TTC3: variants seen among roughly 807,000 people sequenced by gnomAD.
The protein encoded by TTC3 is E3 ubiquitin-protein ligase TTC3.
Under a neutral mutation model 249.6 loss-of-function variants are expected in TTC3, and 180 were observed. The observed-to-expected ratio is 0.72, with a 90% CI of 0.64 to 0.82. The LOEUF (loss-of-function observed/expected upper bound fraction) is 0.82. Among genes scored for constraint, TTC3 ranks in the 40% least tolerant of loss-of-function variants. The pLI is 0.00. For synonymous variants in TTC3, 717 were observed against 805.0 expected (o/e 0.89, Z 1.85); for missense variants, 2,061 against 2,398.4 (o/e 0.86, Z 2.94).
intron 44 of TTC3, among the ~76,000 whole-genome samples, chr21:37,199,092 C>T (rs113862192): frequency 5.3e-5 from 8 of 152,314 alleles, no homozygotes; most frequent in African/African-American, 1.7e-4. Context: ...CCTCCTTCTG[C>T]AGCATCTGCC....
exon 43 of TTC3, chr21:37,197,608 A>G (rs2085059040): frequency 6.2e-7 from 1 of 1,612,082 alleles, no homozygotes; most frequent in Non-Finnish European, 8.5e-7. Context: ...GTGCGAAGCA[A>G]AAACAAGAAC....
chr21:37,114,011 TC>T (rs1221835673), intron 11 of TTC3, among the ~76,000 whole-genome samples: 1 of 152,208 alleles, frequency 6.6e-6, no homozygotes, highest in Non-Finnish European at 1.5e-5. Context: ...CTGGATCCCT[TC>T]CTTGCACCTT....
chr21:37,088,315 A>G (rs1309575531), exon 4 of TTC3: 8 of 1,613,226 alleles, frequency 5.0e-6, no homozygotes, highest in Non-Finnish European at 5.9e-6. Context: ...CAGTTCCGTA[A>G]TATCACGATT....
chr21:37,085,947 G>A (rs1313424654), intron 1 of TTC3: 1 of 152,196 alleles, frequency 6.6e-6, no homozygotes, highest in African/African-American at 2.4e-5. Context: ...GGTGACATGA[G>A]CAAATTACTT....
At chr21:37,083,837 G>T (rs1017790355) in intron 1 of TTC3, 1 of 152,176 alleles carries the variant, frequency 6.6e-6, no homozygotes, top group African/African-American at 2.4e-5. Context: ...GGATTTGGGA[G>T]TCTTCAGCAT....
At chr21:37,141,249 TA>T (rs974736424) in intron 20 of TTC3, among the ~76,000 whole-genome samples, 3 of 152,166 alleles carry the variant, frequency 2.0e-5, no homozygotes, top group Non-Finnish European at 4.4e-5. Flanking sequence ...TCTTGAGCTT[TA>T]AAAAAAGAAA....
At chr21:37,076,029 A>G (rs530752289) in intron 1 of TTC3, among the ~76,000 whole-genome samples, 1 of 152,370 alleles carries the variant, frequency 6.6e-6, no homozygotes, top group East Asian at 1.9e-4. Flanking sequence ...CAATCCAATA[A>G]TCAAAATGAC....
intron 24 of TTC3, 126 bp from the exon 25 acceptor site, chr21:37,150,694 A>G: frequency 1.4e-6 from 1 of 692,138 alleles, no homozygotes; most frequent in Admixed American, 2.8e-5. Flanking sequence ...CTGGGTCAGA[A>G]CATCATCACT....
intron 41 of TTC3, among the ~76,000 whole-genome samples, chr21:37,195,384 G>A (rs913381582): frequency 1.3e-5 from 2 of 152,144 alleles, no homozygotes; most frequent in African/African-American, 2.4e-5. Flanking sequence ...ACCAGGTAGA[G>A]GCTGAAGGAG....
intron 37 of TTC3, among the ~76,000 whole-genome samples, chr21:37,186,490 G>A (rs550565593): frequency 3.9e-5 from 6 of 152,140 alleles, no homozygotes; most frequent in Non-Finnish European, 1.5e-5. Context: ...CACCCAGGCT[G>A]GAATGCAGTA....
intron 1 of TTC3, among the ~76,000 whole-genome samples, chr21:37,075,246 C>T (rs1231795792): frequency 7.0e-6 from 1 of 143,682 alleles, no homozygotes; most frequent in African/African-American, 2.6e-5. Flanking sequence ...TTGGTTCATT[C>T]ATTTTAATTG....
chr21:37,079,321 G>A (rs936697715), intron 1 of TTC3, among the ~76,000 whole-genome samples: 15 of 151,986 alleles, frequency 9.9e-5, no homozygotes, highest in Admixed American at 7.9e-4. Flanking sequence ...CCCTGGGAGA[G>A]TTTGGATTGG....
At chr21:37,199,181 G>C (rs1034357) in intron 44 of TTC3, among the ~76,000 whole-genome samples, 80,938 of 152,002 alleles carry the variant, frequency 0.53, 22,197 homozygotes, top group African/African-American at 0.64. Flanking sequence ...TCTCAGCCTT[G>C]GGGTGATGCC....
intron 7 of TTC3, 132 bp downstream of exon 7, chr21:37,091,545 GAA>G (rs973660469): frequency 2.2e-5 from 9 of 400,134 alleles, no homozygotes; most frequent in African/African-American, 1.7e-4. Context: ...ATATATGGCT[GAA>G]AAAGAGAATT....
At chr21:37,095,817 T>G (rs148592901) in intron 9 of TTC3, among the ~76,000 whole-genome samples, 102 of 152,324 alleles carry the variant, frequency 6.7e-4, no homozygotes, top group African/African-American at 2.4e-3. Context: ...CATTCAGGGT[T>G]TTTTGCTTTC....
chr21:37,166,437 A>C (rs757843147), exon 33 of TTC3: 58 of 1,614,092 alleles, frequency 3.6e-5, no homozygotes, highest in Non-Finnish European at 4.8e-5. Flanking sequence ...CAGATCCTTG[A>C]GGGCTCTTTG....
chr21:37,088,385 A>G (rs1395048564), intron 4 of TTC3, 39 bp downstream of exon 4: 2 of 1,581,098 alleles, frequency 1.3e-6, no homozygotes, highest in Admixed American at 3.5e-5. Flanking sequence ...GTGGACAGTG[A>G]TAAACATGTT....
At position 37,188,605 on chromosome 21, in the gene TTC3, T is replaced by TC; in HGVS notation, c.5024+10_5024+11insC. 6.2e-7 allele frequency: 1 copy of TC among 1,611,072 alleles called. No individual in the cohort carries two copies. Among genetic ancestry groups the TC allele is most frequent in the South Asian group, 1.1e-5 (1 of 91,006 alleles). On this transcript the variant is annotated intron_variant, in intron 39 of 45. Coordinates refer to ENST00000355666, the Ensembl canonical transcript of TTC3. ...TGGGGCTGATTAGCCGGTATTGCAG[T>TC]TTCGTGGGTGTTCTCAGCACGTCAT...
chr21:37,194,614 G>C (rs2084639390), intron 41 of TTC3: 1 of 152,136 alleles, frequency 6.6e-6, no homozygotes, highest in South Asian at 2.1e-4. Context: ...TAAGGAAAGA[G>C]AAAAGATCGT....
Sources: allele counts gnomAD v4.1 joint callset (sites outside exome capture counted in the v4.1 genomes callset), GRCh38; gene constraint gnomAD v4.1.1; transcripts MANE v1.5; gene names NCBI Gene and HGNC (gene_info 2026-07-23, HGNC 2026-07-21).